The following CPZ variants were observed in gnomAD, a reference collection of about 807,000 sequenced individuals.
CPZ encodes the protein carboxypeptidase Z.
Under a neutral mutation model 61.8 loss-of-function variants are expected in CPZ, and 103 were observed. That is an observed-to-expected ratio of 1.67 (90% confidence interval 1.42 to 1.96). The LOEUF is 1.96. Among genes scored for constraint, CPZ ranks in the 30% most tolerant of loss-of-function variants. The probability of loss-of-function intolerance (pLI) is 0.00; values close to 1 mark genes in which losing one functional copy is unlikely to be tolerated. For synonymous variants in CPZ, 551 were observed against 373.7 expected (o/e 1.47, Z -5.47); for missense variants, 1,461 against 914.9 (o/e 1.60, Z -7.70).
At chr4:8,619,005 T>C (rs1716450249) in intron 10 of CPZ, among the ~76,000 whole-genome samples, 2 of 147,572 alleles carry the variant, frequency 1.4e-5, no homozygotes, top group African/African-American at 5.0e-5. Context: ...TTTTGCTAAC[T>C]GTGGGGTGGG....
chr4:8,599,641 A>G, intron 2 of CPZ, 156 bp downstream of exon 2: 1 of 1,454,032 alleles, frequency 6.9e-7, no homozygotes, highest in Admixed American at 2.7e-5. Context: ...AAACAGCCAG[A>G]GAAAAATTAG....
chr4:8,616,680 G>C (rs143529501), intron 9 of CPZ, among the ~76,000 whole-genome samples: 66 of 152,354 alleles, frequency 4.3e-4, no homozygotes, highest in African/African-American at 1.5e-3. Context: ...GGGTGAGGAG[G>C]AGCCACAGGG....
Position 8,599,439 on chromosome 4 carries a change from GTC to G in CPZ, c.89-8_89-7del, listed in dbSNP as rs759929439. 1.2e-6 allele frequency: 2 copies of G among 1,605,174 alleles called. No individual in the cohort carries two copies. Among genetic ancestry groups the G allele is most frequent in the Non-Finnish European group, 8.5e-7 (1 of 1,174,748 alleles). On this transcript the variant is annotated splice_polypyrimidine_tract_variant and intron_variant, in intron 1 of 10. Transcript: ENST00000360986. ...CGAGGCAGGTCCCTAACAGTGCCATGTCTCTCTTTCCAGGTGAATGCCACAGG... is the reference window on the plus strand; with the variant it reads ...CGAGGCAGGTCCCTAACAGTGCCATGTCTCTTTCCAGGTGAATGCCACAGG...
intron 7 of CPZ, among the ~76,000 whole-genome samples, chr4:8,610,249 G>A (rs1015421651): frequency 2.6e-5 from 4 of 152,300 alleles, no homozygotes; most frequent in South Asian, 2.1e-4. Context: ...GCCCATGTGC[G>A]CCCAGCCTCT....
Position 8,614,423 on chromosome 4 carries a change from G to A in CPZ, c.1428G>A (p.Val476=), listed in dbSNP as rs1409323541. ...AGATCACGGTAGAGCTGGGCTGTGT[G>A]AAGTTCCCCCCCGAGGAGGCCCTGT... ...CFEITVELGC[V]KFPPEEALYI... The change falls in exon 9 of 11, where the codon GTG becomes GTA. Residue 476 remains valine (V), a synonymous_variant. Coordinates refer to ENST00000360986, the MANE Select transcript of CPZ (RefSeq NM_001014447.3). 5 of 1,614,092 alleles carry A rather than the reference G, an allele frequency of 3.1e-6. No individual in the cohort carries two copies. Among genetic ancestry groups the A allele is most frequent in the Non-Finnish European group, 4.2e-6 (5 of 1,179,984 alleles).
In CPZ at chr4:8,619,165, C is replaced by A. The variant is rs1188891527; in HGVS notation, c.1604-97C>A. On this transcript the variant is annotated intron_variant, in intron 10 of 10. Coordinates refer to ENST00000360986, the MANE Select transcript of CPZ (RefSeq NM_001014447.3). ...GCAAGTGCACATTTGGCGCCTGCCTCCCATGCTAACCTCTCCCCACTCATA... is the reference window on the plus strand; with the variant it reads ...GCAAGTGCACATTTGGCGCCTGCCTACCATGCTAACCTCTCCCCACTCATA... 2.6e-5 allele frequency: 28 copies of A among 1,081,264 alleles called. 2 individuals are homozygous for A. In the Admixed American group the frequency reaches 4.3e-4, roughly 17 times the overall value. 67.0% of individuals were successfully genotyped at this position (1,081,264 alleles called of 1,614,324 possible).
Position 8,614,421 on chromosome 4 carries a change from G to A in CPZ, c.1426G>A (p.Val476Met). 1 of 1,614,094 alleles carries A rather than the reference G, an allele frequency of 6.2e-7. No individual in the cohort carries two copies. Among genetic ancestry groups the A allele is most frequent in the East Asian group, 2.2e-5 (1 of 44,882 alleles). ...CFEITVELGC[V>M]KFPPEEALYI... ...TGAGATCACGGTAGAGCTGGGCTGT[G>A]TGAAGTTCCCCCCCGAGGAGGCCCT... The change falls in exon 9 of 11, where the codon GTG (valine) becomes ATG (methionine). Residue 476 changes from valine (V) to methionine (M), a missense_variant. Val to Met is a conservative substitution (Grantham distance 21). Coordinates refer to ENST00000360986, the MANE Select transcript of CPZ (RefSeq NM_001014447.3).
intron 1 of CPZ, 88 bp from the exon 2 acceptor site, chr4:8,599,365 A>G: frequency 6.8e-7 from 1 of 1,468,848 alleles, no homozygotes; most frequent in South Asian, 1.4e-5. Context: ...GCTGGTCCCT[A>G]CCTGCACTCA....
rs1168497927 is a variant in CPZ at position 8,602,019 on chromosome 4, AGT to A, written c.496+524_496+525del. 2.6e-5 allele frequency: 4 copies of A among 152,832 alleles called. No individual in the cohort carries two copies. The East Asian group carries it at 7.7e-4, about 29-fold the overall frequency. 9.5% of individuals were successfully genotyped at this position (152,832 alleles called of 1,614,324 possible). On this transcript the variant is annotated intron_variant, in intron 3 of 10. Transcript: ENST00000360986. ...AGATCACACAGAGGGTTTGGCTTGG[AGT>A]GACTCCTCCAAGCAGGGTCTGCACC...
chr4:8,600,433 A>G (rs991229831), intron 2 of CPZ, among the ~76,000 whole-genome samples: 2 of 152,178 alleles, frequency 1.3e-5, no homozygotes, highest in Non-Finnish European at 2.9e-5. Flanking sequence ...TGGGGGTGCG[A>G]GTGTGGAGCC....
At chr4:8,606,668 A>G (rs932725070) in intron 5 of CPZ, 69 bp from the exon 6 acceptor site, 1 of 1,588,632 alleles carries the variant, frequency 6.3e-7, no homozygotes, top group African/African-American at 1.3e-5. Context: ...GCCCAGCGTG[A>G]GACCCATCTG....
At chr4:8,605,570 T>TCCATCCAG (rs143201343) in intron 4 of CPZ, among the ~76,000 whole-genome samples, 1 of 150,766 alleles carries the variant, frequency 6.6e-6, no homozygotes, top group Non-Finnish European at 1.5e-5. Flanking sequence ...GATATATCTA[T>TCCATCCAG]CCATCCAGCC....
Position 8,607,563 on chromosome 4 carries a change from C to T in CPZ, c.1227+138C>T, listed in dbSNP as rs1715146132. ...ACTCAGAGCGGGTCAGCACCACCTG[C>T]TCCAGGCCCAGCTCTGCAGGGAAGC... On this transcript the variant is annotated intron_variant, in intron 7 of 10. Coordinates refer to ENST00000360986, the MANE Select transcript of CPZ (RefSeq NM_001014447.3). 6 of 962,430 alleles carry T rather than the reference C, an allele frequency of 6.2e-6. No individual in the cohort carries two copies. In the East Asian group the frequency reaches 1.1e-4, roughly 17 times the overall value. The allele number at this position is 962,430 out of a possible 1,614,324, so 59.6% of individuals were successfully genotyped here. A position where few individuals can be genotyped will look rare whatever the true frequency, so the allele number is the denominator to read the frequency against.
intron 3 of CPZ, chr4:8,602,345 G>C (rs1451263587): frequency 6.6e-6 from 1 of 152,300 alleles, no homozygotes; most frequent in East Asian, 1.9e-4. Context: ...TTCTGTCCAA[G>C]ACAGTTACCA....
chr4:8,595,139 A>G (rs1038013175), intron 1 of CPZ, among the ~76,000 whole-genome samples: 2 of 152,260 alleles, frequency 1.3e-5, no homozygotes, highest in Non-Finnish European at 2.9e-5. Context: ...TATAAAAATT[A>G]TTAATGAAAC....
At chr4:8,600,368 C>T (rs935601386) in intron 2 of CPZ, among the ~76,000 whole-genome samples, 3 of 152,172 alleles carry the variant, frequency 2.0e-5, no homozygotes, top group Admixed American at 1.3e-4. Flanking sequence ...CATGACTTGT[C>T]CTATGCGATG....
intron 6 of CPZ, 39 bp downstream of exon 6, chr4:8,606,937 C>A (rs770205964): frequency 6.5e-7 from 1 of 1,549,696 alleles, no homozygotes; most frequent in Non-Finnish European, 8.7e-7. Flanking sequence ...TCCACCAAGG[C>A]ATCCAGGGGT....
chr4:8,619,197 A>C, intron 10 of CPZ, 65 bp from the exon 11 acceptor site: 2 of 1,393,212 alleles, frequency 1.4e-6, no homozygotes, highest in South Asian at 2.7e-5. Flanking sequence ...CATATCCATC[A>C]CCCATCACCC....
Position 8,618,385 on chromosome 4 carries a change from G to A in CPZ, c.1504-44G>A, listed in dbSNP as rs375960282. ...GAGCTGACGGCCTCCACGCTCAGCAGGAGAGCTCACGCCATCTCCCTGGCC... is the reference window on the plus strand; with the variant it reads ...GAGCTGACGGCCTCCACGCTCAGCAAGAGAGCTCACGCCATCTCCCTGGCC... On this transcript the variant is annotated intron_variant, in intron 9 of 10. Coordinates refer to ENST00000360986, the MANE Select transcript of CPZ (RefSeq NM_001014447.3). The A allele has an allele frequency of 1.1e-5, 18 of 1,594,084 alleles. No homozygotes were observed. In the African/African-American group the frequency reaches 2.1e-4, roughly 19 times the overall value.
Sources: allele counts gnomAD v4.1 joint callset (sites outside exome capture counted in the v4.1 genomes callset), GRCh38; gene constraint gnomAD v4.1.1; transcripts MANE v1.5; gene names NCBI Gene and HGNC (gene_info 2026-07-23, HGNC 2026-07-21).